The following CFAP43 variants were observed in gnomAD, a reference collection of about 807,000 sequenced individuals.
CFAP43 encodes the protein cilia and flagella associated protein 43.
A neutral mutation model predicts 218.9 loss-of-function variants in CFAP43; 155 were observed. The ratio of observed to expected loss-of-function variants is 0.71; its 90% CI spans 0.62 to 0.81. The LOEUF (loss-of-function observed/expected upper bound fraction) is 0.81, where lower values mean the gene tolerates loss of function less well. CFAP43 is among the 30% of genes least tolerant of loss of function. CFAP43 has a pLI of 0.00. For synonymous variants in CFAP43, 645 were observed against 681.3 expected (o/e 0.95, Z 0.83); for missense variants, 1,778 against 1,954.3 (o/e 0.91, Z 1.70).
intron 14 of CFAP43, among the ~76,000 whole-genome samples, chr10:104,186,607 C>G (rs2090039683): frequency 1.3e-5 from 2 of 152,174 alleles, no homozygotes; most frequent in African/African-American, 4.8e-5. Context: ...TATGCAATAT[C>G]TCTCCATGTC....
At chr10:104,200,448 T>C (rs1468822190) in intron 8 of CFAP43, among the ~76,000 whole-genome samples, 1 of 151,870 alleles carries the variant, frequency 6.6e-6, no homozygotes, top group Non-Finnish European at 1.5e-5. Context: ...GGTGGGCAGA[T>C]CACTTGAGGC....
chr10:104,206,995 G>A (rs7911252), intron 6 of CFAP43, among the ~76,000 whole-genome samples: 13,460 of 152,076 alleles, frequency 0.089, 995 homozygotes, highest in African/African-American at 0.21. Context: ...CCAACATGAC[G>A]AAACCCCATC....
rs2087106724 is a variant in CFAP43, at chr10:104,130,045, A to G, written c.*94T>C. The G allele has an allele frequency of 7.1e-7, 1 of 1,407,638 alleles. No homozygotes were observed. The highest frequency in any genetic ancestry group is 9.4e-7 in the Non-Finnish European group (1 of 1,063,104). 87.2% of individuals were successfully genotyped at this position (1,407,638 alleles called of 1,614,324 possible). A position where few individuals can be genotyped will look rare whatever the true frequency, so the allele number is the denominator to read the frequency against. On this transcript the variant is annotated 3_prime_UTR_variant, in exon 38 of 38. Transcript: ENST00000357060. ...TGCAACTCAGAGGACATGCTACTTC[A>G]ATTTCCCAGTAAGAAAGAAAAGGAA...
rs1357252001 is a variant in CFAP43, at chr10:104,172,409, C to A, written c.2586+1G>T. The A allele has an allele frequency of 3.1e-6, 5 of 1,606,484 alleles. No individual in the cohort carries two copies. Among genetic ancestry groups the A allele is most frequent in the Non-Finnish European group, 4.2e-6 (5 of 1,178,100 alleles). On this transcript the variant is annotated splice_donor_variant, in intron 20 of 37. Coordinates refer to ENST00000357060, the MANE Select transcript of CFAP43 (RefSeq NM_025145.7). LOFTEE classifies it high-confidence loss of function. Reference sequence around the variant, plus strand: ...GGTGCTTAAATTATACTTTTTCATACCTTTGCCACTTCTTCCTGACTTTCA... The same window carrying A: ...GGTGCTTAAATTATACTTTTTCATAACTTTGCCACTTCTTCCTGACTTTCA...
chr10:104,162,660 G>A (rs763030192), intron 24 of CFAP43, among the ~76,000 whole-genome samples: 1 of 152,066 alleles, frequency 6.6e-6, no homozygotes, highest in Non-Finnish European at 1.5e-5. Flanking sequence ...GATAGATTAA[G>A]GAGGGGAGGG....
At chr10:104,188,118 G>A (rs1183134742) in intron 13 of CFAP43, 152 bp downstream of exon 13, 1 of 944,422 alleles carries the variant, frequency 1.1e-6, no homozygotes, top group African/African-American at 1.7e-5. Context: ...ACTTCAAACT[G>A]TTTAGCATGT....
chr10:104,149,881 T>A (rs547116207), intron 28 of CFAP43, among the ~76,000 whole-genome samples: 1 of 152,282 alleles, frequency 6.6e-6, no homozygotes, highest in South Asian at 2.1e-4. Flanking sequence ...TTAGAACATT[T>A]CATCATTCCC....
chr10:104,199,000 C>G (rs989330771), intron 8 of CFAP43, among the ~76,000 whole-genome samples: 2 of 152,082 alleles, frequency 1.3e-5, no homozygotes, highest in Non-Finnish European at 2.9e-5. Flanking sequence ...ACATTTTTTC[C>G]TGTTTCAAAA....
Position 104,146,382 on chromosome 10 carries a change from T to C in CFAP43, c.3769-33A>G, listed in dbSNP as rs1186134004. On this transcript the variant is annotated intron_variant, in intron 29 of 37. Coordinates refer to ENST00000357060, the MANE Select transcript of CFAP43 (RefSeq NM_025145.7). The stretch of plus-strand genomic sequence containing the variant: ...AGCATCAGGAATAGTTGATTGAAAC[T>C]GGAGACTTTCCAGCATAAACAAAAA... 3.8e-6 allele frequency: 6 copies of C among 1,568,230 alleles called. No individual in the cohort carries two copies. The South Asian group carries it at 6.7e-5, about 17-fold the overall frequency.
In CFAP43 at chr10:104,167,741, G is replaced by A. The variant is rs778995455; in HGVS notation, c.2692-4C>T. 2 of 1,594,954 alleles carry A rather than the reference G, an allele frequency of 1.3e-6. No individual in the cohort carries two copies. Among genetic ancestry groups the A allele is most frequent in the African/African-American group, 2.7e-5 (2 of 73,912 alleles). ...CCACACAGGGGATATGAAAACACTT[G>A]GGGAAAAAAACGCAAGACAAAATAA... On this transcript the variant is annotated splice_region_variant and splice_polypyrimidine_tract_variant and intron_variant, in intron 21 of 37. Coordinates refer to ENST00000357060, the MANE Select transcript of CFAP43 (RefSeq NM_025145.7).
intron 27 of CFAP43, among the ~76,000 whole-genome samples, chr10:104,157,789 A>T (rs924577272): frequency 0.014 from 1,774 of 127,418 alleles, 17 homozygotes; most frequent in East Asian, 0.088. Context: ...AGAGAGAGAG[A>T]GAGAGAGAGA....
At chr10:104,143,016 T>C (rs2087779611) in intron 32 of CFAP43, among the ~76,000 whole-genome samples, 1 of 152,240 alleles carries the variant, frequency 6.6e-6, no homozygotes, top group South Asian at 2.1e-4. Context: ...TTAATTTTAC[T>C]AATATATTTT....
At chr10:104,164,382 C>T in intron 23 of CFAP43, 82 bp from the exon 24 acceptor site, 1 of 1,140,044 alleles carries the variant, frequency 8.8e-7, no homozygotes, top group Non-Finnish European at 1.2e-6. Flanking sequence ...TACTTTCCCT[C>T]TAAAATCATT....
intron 28 of CFAP43, among the ~76,000 whole-genome samples, chr10:104,150,744 C>A (rs931161554): frequency 1.3e-5 from 2 of 151,950 alleles, no homozygotes; most frequent in African/African-American, 4.8e-5. Context: ...CTTTTTTTAA[C>A]TTTTATTTTA....
At chr10:104,157,769 TGTGTGTGAGAGAGA>T (rs1368177339) in intron 27 of CFAP43, among the ~76,000 whole-genome samples, 1 of 109,716 alleles carries the variant, frequency 9.1e-6, no homozygotes, top group African/African-American at 3.9e-5. Flanking sequence ...TGTGTGTGTG[TGTGTGTGAGAGAGA>T]GAGAGAGAGA....
intron 16 of CFAP43, among the ~76,000 whole-genome samples, chr10:104,184,056 A>C (rs1470352683): frequency 6.6e-6 from 1 of 152,210 alleles, no homozygotes; most frequent in Non-Finnish European, 1.5e-5. Flanking sequence ...GGTATCACGA[A>C]ATATTATTTT....
rs143922332 is a variant in CFAP43, at chr10:104,175,060, AAAACAAAC to A, written c.2461-2533_2461-2526del. On this transcript the variant is annotated intron_variant, in intron 19 of 37. Coordinates refer to ENST00000357060, the MANE Select transcript of CFAP43 (RefSeq NM_025145.7). ...ACAGAGCGAGAGCGAGACTCCATCTAAAACAAACAAACAAACAAACAAACAAACAAAAA... is the reference window on the plus strand; with the variant it reads ...ACAGAGCGAGAGCGAGACTCCATCTAAAACAAACAAACAAACAAACAAAAA... Among the ~76,000 whole-genome samples the A allele has an allele frequency of 1.1e-3, 161 of 148,650 alleles. No individual in the cohort carries two copies. In the East Asian group the frequency reaches 0.016, roughly 15 times the overall value.
intron 7 of CFAP43, among the ~76,000 whole-genome samples, chr10:104,204,505 G>A (rs2090623423): frequency 6.6e-6 from 1 of 152,162 alleles, no homozygotes; most frequent in Admixed American, 6.5e-5. Flanking sequence ...TTGGGCCCTG[G>A]AAGGGAAAGC....
intron 13 of CFAP43, among the ~76,000 whole-genome samples, chr10:104,187,766 T>C (rs539501025): frequency 6.6e-6 from 1 of 152,224 alleles, no homozygotes; most frequent in Non-Finnish European, 1.5e-5. Flanking sequence ...CATGGTAGTA[T>C]AGAGATTCTT....
Sources: gnomAD v4.1 joint callset for allele counts (sites outside exome capture counted in the v4.1 genomes callset) on GRCh38, gnomAD v4.1.1 for gene constraint, MANE v1.5 for transcripts, NCBI Gene and HGNC (gene_info 2026-07-23, HGNC 2026-07-21) for gene names.